Variants in RRM2B observed in about 807,000 individuals in gnomAD.
The protein encoded by RRM2B is ribonucleoside-diphosphate reductase subunit M2 B.
A neutral mutation model predicts 45.9 loss-of-function variants in RRM2B; 20 were observed. The ratio of observed to expected loss-of-function variants is 0.44; its 90% CI spans 0.31 to 0.63. RRM2B has a LOEUF of 0.63. Ranked by LOEUF, RRM2B falls within the 30% of genes least tolerant of loss-of-function variation. The pLI, the probability that RRM2B is intolerant of heterozygous loss-of-function variation, is 0.09. For synonymous variants in RRM2B, 124 were observed against 132.3 expected, an observed-to-expected ratio of 0.94 and a Z score of 0.43; for missense variants, 320 against 414.7, an observed-to-expected ratio of 0.77 and a Z score of 1.98.
intron 5 of RRM2B, among the ~76,000 whole-genome samples, chr8:102,221,594 A>G (rs1810837324): frequency 2.6e-5 from 4 of 152,110 alleles, no homozygotes; most frequent in African/African-American, 7.2e-5. Flanking sequence ...CTCTACACCC[A>G]TTCAACTCCC....
rs1195483932 is a variant in RRM2B at position 102,225,001 on chromosome 8, C to G, written c.339G>C (p.Gln113His). The change falls in exon 4 of 9, where the codon CAG becomes CAC. Residue 113 changes from glutamine to histidine, a missense_variant. Gln to His is a conservative substitution (Grantham distance 24). Coordinates refer to ENST00000251810, the MANE Select transcript of RRM2B (RefSeq NM_015713.5). The stretch of plus-strand genomic sequence containing the variant: ...AGCGAGCCTCTGGAACCTGCACCTC[C>G]TGACTAAAGCGCTCCACCTAAGAAG... ...VNENLVERFS[Q>H]EVQVPEARCF... 2 of 1,614,102 alleles carry G rather than the reference C, an allele frequency of 1.2e-6. No individual in the cohort carries two copies. The highest frequency in any genetic ancestry group is 1.7e-6 in the Non-Finnish European group (2 of 1,180,010).
intron 1 of RRM2B, among the ~76,000 whole-genome samples, chr8:102,233,266 T>C (rs1000056293): frequency 6.6e-6 from 1 of 152,158 alleles, no homozygotes; most frequent in Admixed American, 6.5e-5. Flanking sequence ...GGCTAAGGCT[T>C]AGCAAGAAGA....
At position 102,207,987 on chromosome 8, in the gene RRM2B, G is replaced by C; in HGVS notation, c.*146C>G. 1.6e-6 allele frequency: 1 copy of C among 640,316 alleles called. No homozygotes were observed. Among genetic ancestry groups the C allele is most frequent in the South Asian group, 1.9e-5 (1 of 51,718 alleles). 39.7% of individuals were successfully genotyped at this position (640,316 alleles called of 1,614,324 possible). On this transcript the variant is annotated 3_prime_UTR_variant, in exon 9 of 9. Coordinates refer to ENST00000251810, the MANE Select transcript of RRM2B (RefSeq NM_015713.5). ...TGTTAAACAGGAAAATTATATAAAT[G>C]CAAATTGTTTAGAATAGGTTTTGGA... is the stretch of plus-strand genomic sequence containing the variant.
At position 102,232,302 on chromosome 8, in the gene RRM2B, T is replaced by G; in HGVS notation, c.51A>C (p.Arg17Ser). ...CACTTTCGTTGGTGTCTGAAGATGA[T>G]CTCTTTGAAAAATAAAGTACAAACA... ...PEAAGLDQDE[R>S]SSSDTNESEI... is the part of the protein sequence containing the mutation. The change falls in exon 2 of 9, where the codon AGA (arginine) becomes AGC (serine). Residue 17 changes from arginine to serine, a missense_variant and splice_region_variant. Around this residue, in one of 3 missense-constraint regions of RRM2B, gnomAD observed 48 missense variants for 35.3 expected, o/e 1.36. Coordinates refer to ENST00000251810, the MANE Select transcript of RRM2B (RefSeq NM_015713.5). 1 of 1,613,908 alleles carries G rather than the reference T, an allele frequency of 6.2e-7. No individual in the cohort carries two copies. The highest frequency in any genetic ancestry group is 1.1e-5 in the South Asian group (1 of 91,082).
Position 102,204,964 on chromosome 8 carries a change from T to C in RRM2B, c.*3169A>G, listed in dbSNP as rs1237905684. ...TCCTTTCTTCCTAATGCCTCGGGAA[T>C]ATGAGATTCTCTTTCAAATCTTTAA... On this transcript the variant is annotated 3_prime_UTR_variant, in exon 9 of 9. Transcript: ENST00000251810. The C allele has an allele frequency of 6.6e-6, 1 of 152,230 alleles. No individual in the cohort carries two copies. The highest frequency in any genetic ancestry group is 2.4e-5 in the African/African-American group (1 of 41,474). 9.4% of individuals were successfully genotyped at this position (152,230 alleles called of 1,614,324 possible).
At chr8:102,213,371 T>C (rs1209146843) in intron 7 of RRM2B, among the ~76,000 whole-genome samples, 1 of 152,078 alleles carries the variant, frequency 6.6e-6, no homozygotes, top group Non-Finnish European at 1.5e-5. Flanking sequence ...TGAAAGACTA[T>C]ATAGTGGTAA....
intron 7 of RRM2B, 31 bp downstream of exon 7, chr8:102,214,023 A>ATG: frequency 7.5e-7 from 1 of 1,338,388 alleles, no homozygotes; most frequent in Admixed American, 1.7e-5. Flanking sequence ...AGAAAGAGAG[A>ATG]TGTGCTAATT....
At chr8:102,224,662 A>T (rs1309890937) in intron 4 of RRM2B, among the ~76,000 whole-genome samples, 1 of 152,204 alleles carries the variant, frequency 6.6e-6, no homozygotes, top group East Asian at 1.9e-4. Flanking sequence ...TTCTAAACAG[A>T]AGATGCTACT....
chr8:102,236,337 GA>G (rs1811120606), intron 1 of RRM2B, among the ~76,000 whole-genome samples: 1 of 152,156 alleles, frequency 6.6e-6, no homozygotes, highest in Non-Finnish European at 1.5e-5. Flanking sequence ...AATAGTCATG[GA>G]GAGTTTCTGA....
Position 102,205,245 on chromosome 8 carries a change from C to A in RRM2B, c.*2888G>T, listed in dbSNP as rs1260397952. The A allele has an allele frequency of 6.6e-6, 1 of 152,092 alleles. No homozygotes were observed. Among genetic ancestry groups the A allele is most frequent in the African/African-American group, 2.4e-5 (1 of 41,420 alleles). 9.4% of individuals were successfully genotyped at this position (152,092 alleles called of 1,614,324 possible). The stretch of plus-strand genomic sequence containing the variant: ...TATCTACAAATGAAATTTGGGAATT[C>A]TATGACAGTGATGTTAGCATATTTA... On this transcript the variant is annotated 3_prime_UTR_variant, in exon 9 of 9. Coordinates refer to ENST00000251810, the MANE Select transcript of RRM2B (RefSeq NM_015713.5).
chr8:102,226,661 C>T (rs1273951494), intron 2 of RRM2B, among the ~76,000 whole-genome samples: 3 of 152,118 alleles, frequency 2.0e-5, no homozygotes. Context: ...TACTTTACTG[C>T]CAGGTAATCA....
intron 8 of RRM2B, among the ~76,000 whole-genome samples, chr8:102,208,800 T>A (rs1810586193): frequency 6.6e-6 from 1 of 152,110 alleles, no homozygotes; most frequent in African/African-American, 2.4e-5. Flanking sequence ...TGACTAGATG[T>A]CTCCAAACAA....
rs962644012 is a variant in RRM2B, at chr8:102,205,137, T to C, written c.*2996A>G. 1.3e-5 allele frequency: 2 copies of C among 152,204 alleles called. No individual in the cohort carries two copies. The highest frequency in any genetic ancestry group is 2.9e-5 in the Non-Finnish European group (2 of 68,018). The allele number at this position is 152,204 out of a possible 1,614,324, so 9.4% of individuals were successfully genotyped here. A position where few individuals can be genotyped will look rare whatever the true frequency, so the allele number is the denominator to read the frequency against. Reference sequence around the variant, plus strand: ...CTTGGTTTAAAAACATAATACCTGATTGTAGGATTAATTTGGCTTTTATTT... The same window carrying C: ...CTTGGTTTAAAAACATAATACCTGACTGTAGGATTAATTTGGCTTTTATTT... On this transcript the variant is annotated 3_prime_UTR_variant, in exon 9 of 9. Transcript: ENST00000251810.
chr8:102,217,912 C>T (rs995152277), intron 6 of RRM2B, among the ~76,000 whole-genome samples: 5 of 150,974 alleles, frequency 3.3e-5, no homozygotes, highest in Non-Finnish European at 2.9e-5. Flanking sequence ...ACTTACTGAT[C>T]GGATGTGGCT....
At chr8:102,215,023 T>G (rs1000919508) in intron 6 of RRM2B, among the ~76,000 whole-genome samples, 4 of 43,356 alleles carry the variant, frequency 9.2e-5, no homozygotes, top group African/African-American at 4.0e-4. Context: ...AAACACAGAA[T>G]AGATAGTATA....
At chr8:102,232,076 T>C (rs949576301) in intron 2 of RRM2B, 73 bp downstream of exon 2, 2 of 1,333,960 alleles carry the variant, frequency 1.5e-6, no homozygotes, top group African/African-American at 1.4e-5. Context: ...GTTAAAGTTA[T>C]TCAATATCCT....
chr8:102,210,799 T>C (rs895889920), intron 8 of RRM2B, among the ~76,000 whole-genome samples: 3 of 152,124 alleles, frequency 2.0e-5, no homozygotes, highest in Non-Finnish European at 2.9e-5. Flanking sequence ...AGGGTCTTGC[T>C]ATATTGCTGA....
At chr8:102,222,532 A>C (rs1209079926) in intron 5 of RRM2B, among the ~76,000 whole-genome samples, 1 of 152,222 alleles carries the variant, frequency 6.6e-6, no homozygotes, top group Admixed American at 6.5e-5. Flanking sequence ...GAGACCTGTG[A>C]GGTCAAAACT....
intron 6 of RRM2B, among the ~76,000 whole-genome samples, chr8:102,218,364 C>T (rs528656871): frequency 3.9e-5 from 6 of 152,206 alleles, no homozygotes; most frequent in South Asian, 2.1e-4. Flanking sequence ...AGCAAGATGA[C>T]GTGACTTCCT....
Sources: allele counts gnomAD v4.1 joint callset (sites outside exome capture counted in the v4.1 genomes callset), GRCh38; gene constraint gnomAD v4.1.1; regional missense constraint gnomAD v4.1.1; transcripts MANE v1.5; gene names NCBI Gene and HGNC (gene_info 2026-07-23, HGNC 2026-07-21).